Variants in NDUFA10 observed in about 807,000 individuals in gnomAD.
NDUFA10 encodes NADH dehydrogenase [ubiquinone] 1 alpha subcomplex subunit 10, mitochondrial.
Under a neutral mutation model 47.8 loss-of-function variants are expected in NDUFA10, and 40 were observed. The ratio of observed to expected loss-of-function variants is 0.84; its 90% CI spans 0.65 to 1.09. NDUFA10 has a LOEUF of 1.09. NDUFA10 is among the 50% of genes least tolerant of loss of function. The pLI is 0.00. For missense variants in NDUFA10, 413 were observed against 451.1 expected, an observed-to-expected ratio of 0.92 and a Z score of 0.76; for synonymous variants, 183 against 172.2, an observed-to-expected ratio of 1.06 and a Z score of -0.49.
intron 8 of NDUFA10, among the ~76,000 whole-genome samples, chr2:239,993,281 C>T (rs1037285237): frequency 1.3e-5 from 2 of 152,160 alleles, no homozygotes; most frequent in African/African-American, 2.4e-5. Context: ...CCCTTGTCTC[C>T]GTAAGTTTGT....
chr2:240,019,646 G>A lies in NDUFA10; in HGVS notation c.461-1007C>T, dbSNP rs1697528150. 4.0e-5 allele frequency among the ~76,000 whole-genome samples: 2 copies of A among 50,556 alleles called. 1 individual carries two copies. 33.2% of individuals were successfully genotyped at this position (50,556 alleles called of 152,430 possible). On this transcript the variant is annotated intron_variant, in intron 3 of 9. Coordinates refer to ENST00000252711, the MANE Select transcript of NDUFA10 (RefSeq NM_004544.4). ...ATCCCGGCTAAAACGGTGAAACCCC[G>A]TCTCTACTAAAAATACAAAAAAATT...
At chr2:240,017,969 A>G (rs1030823885) in intron 4 of NDUFA10, 4 of 1,375,794 alleles carry the variant, frequency 2.9e-6, no homozygotes, top group African/African-American at 2.9e-5. Flanking sequence ...CGCCCAACAC[A>G]GTCCTAGTCA....
intron 4 of NDUFA10, among the ~76,000 whole-genome samples, chr2:239,915,884 G>C (rs897384042): frequency 1.4e-5 from 2 of 144,876 alleles, no homozygotes; most frequent in Non-Finnish European, 3.0e-5. Flanking sequence ...GACACACACA[G>C]AGAGACACAC....
chr2:239,962,091 C>G (rs948287070), intron 9 of NDUFA10, among the ~76,000 whole-genome samples: 1 of 152,198 alleles, frequency 6.6e-6, no homozygotes, highest in Non-Finnish European at 1.5e-5. Context: ...GCAGGACCAC[C>G]TCGTTGCGGA....
intron 4 of NDUFA10, among the ~76,000 whole-genome samples, chr2:239,909,523 G>T (rs1693712977): frequency 6.6e-6 from 1 of 152,136 alleles, no homozygotes; most frequent in Non-Finnish European, 1.5e-5. Flanking sequence ...TGAGGCAGGG[G>T]AATTGCTTGA....
At chr2:239,951,959 G>T in intron 4 of NDUFA10, among the ~76,000 whole-genome samples, 1 of 152,364 alleles carries the variant, frequency 6.6e-6, no homozygotes, top group East Asian at 1.9e-4. Context: ...CTGAGATGGT[G>T]CATGCCCTTT....
chr2:239,900,082 G>C (rs1693516207), intron 4 of NDUFA10, among the ~76,000 whole-genome samples: 1 of 152,036 alleles, frequency 6.6e-6, no homozygotes, highest in African/African-American at 2.4e-5. Context: ...CGTGGTGGAT[G>C]CTTCCTGCCC....
rs544132552 is a variant in NDUFA10 at position 239,922,616 on chromosome 2, C to T, written c.295-27302G>A. Among the ~76,000 whole-genome samples, 44 of 152,366 alleles carry T rather than the reference C, an allele frequency of 2.9e-4. 1 individual carries two copies. The highest frequency in any genetic ancestry group is 9.6e-4 in the East Asian group (5 of 5,188). The stretch of plus-strand genomic sequence containing the variant: ...GGGCATTGCCATTACCACTGTCGTC[C>T]GTCAGGTTGACTTTTCTACGCCACA... On this transcript the variant is annotated intron_variant, in intron 4 of 5. Coordinates refer to the NDUFA10 transcript ENST00000419408.
At chr2:239,949,337 T>C (rs549974202) in intron 4 of NDUFA10, among the ~76,000 whole-genome samples, 3 of 152,146 alleles carry the variant, frequency 2.0e-5, no homozygotes, top group Non-Finnish European at 1.5e-5. Context: ...CCCAGGTATT[T>C]GGTCAAACAA....
chr2:239,969,019 A>G (rs1217222469), intron 9 of NDUFA10, among the ~76,000 whole-genome samples: 2 of 152,250 alleles, frequency 1.3e-5, no homozygotes, highest in African/African-American at 4.8e-5. Flanking sequence ...AACTGCTGTC[A>G]GAAAAAAAGT....
intron 8 of NDUFA10, among the ~76,000 whole-genome samples, chr2:239,997,955 T>C: frequency 6.6e-6 from 1 of 152,172 alleles, no homozygotes; most frequent in East Asian, 1.9e-4. Context: ...TGGGGAGCCA[T>C]GAAAAAATCA....
chr2:239,913,580 G>A (rs577957213), intron 4 of NDUFA10, among the ~76,000 whole-genome samples: 4 of 152,336 alleles, frequency 2.6e-5, no homozygotes, highest in East Asian at 1.9e-4. Flanking sequence ...TCAATACTGC[G>A]GGGAGCTCTG....
intron 9 of NDUFA10, chr2:239,983,650 G>A: frequency 1.3e-6 from 2 of 1,580,674 alleles, no homozygotes; most frequent in Non-Finnish European, 1.7e-6. Flanking sequence ...AGGCTGCACT[G>A]ACAGCAAGTG....
chr2:239,899,409 A>AGGTGTGATGGAGG (rs752040222), intron 4 of NDUFA10, among the ~76,000 whole-genome samples: 23 of 67,546 alleles, frequency 3.4e-4, no homozygotes, highest in South Asian at 6.1e-4. Context: ...TATGATGCAG[A>AGGTGTGATGGAGG]GGTGTGATGG....
At chr2:239,969,766 A>C (rs1175487034) in intron 9 of NDUFA10, 3 of 471,280 alleles carry the variant, frequency 6.4e-6, no homozygotes, top group Non-Finnish European at 1.3e-5. Flanking sequence ...GGAAGACCTA[A>C]ACCAACACAA....
chr2:239,919,388 G>A (rs950857697), intron 4 of NDUFA10, among the ~76,000 whole-genome samples: 9 of 151,368 alleles, frequency 5.9e-5, no homozygotes, highest in East Asian at 5.8e-4. Context: ...TGAATTACTC[G>A]ACTAGCCTAC....
At chr2:240,005,493 A>T (rs1027652072) in intron 7 of NDUFA10, among the ~76,000 whole-genome samples, 198 bp from the exon 8 acceptor site, 4 of 151,992 alleles carry the variant, frequency 2.6e-5, no homozygotes, top group Admixed American at 2.0e-4. Flanking sequence ...AGTTGCTGGG[A>T]CTACAGGCAT....
intron 8 of NDUFA10, among the ~76,000 whole-genome samples, chr2:239,999,143 C>T (rs1696602148): frequency 6.6e-6 from 1 of 152,216 alleles, no homozygotes; most frequent in South Asian, 2.1e-4. Flanking sequence ...TTTCTTTCTC[C>T]CTCTACTTTA....
chr2:239,982,335 TA>T (rs1387186364), intron 9 of NDUFA10: 86 of 1,391,638 alleles, frequency 6.2e-5, no homozygotes, highest in Non-Finnish European at 7.8e-5. Context: ...AACTCTTTTC[TA>T]AAAAGATTCT....
Sources: gnomAD v4.1 joint callset for allele counts (sites outside exome capture counted in the v4.1 genomes callset) on GRCh38, gnomAD v4.1.1 for gene constraint, MANE v1.5 for transcripts, NCBI Gene and HGNC (gene_info 2026-07-23, HGNC 2026-07-21) for gene names.